The following GDPD4 variants were observed in gnomAD, a reference collection of about 807,000 sequenced individuals.
GDPD4 encodes the protein glycerophosphodiester phosphodiesterase domain containing 4.
In GDPD4, 60 loss-of-function variants were observed where a neutral mutation model predicts 67.8. That is an observed-to-expected ratio of 0.88 (90% CI 0.72 to 1.10). The LOEUF is 1.10. Among genes scored for constraint, GDPD4 ranks in the 50% least tolerant of loss-of-function variants. The probability of loss-of-function intolerance (pLI) is 0.00; values close to 1 mark genes in which losing one functional copy is unlikely to be tolerated. For missense variants in GDPD4, 623 were observed against 613.9 expected (o/e 1.01, Z -0.16); for synonymous variants, 212 against 210.9 (o/e 1.00, Z -0.04).
chr11:77,246,078 A>G (rs1203264657), intron 11 of GDPD4, among the ~76,000 whole-genome samples: 1 of 152,200 alleles, frequency 6.6e-6, no homozygotes, highest in Admixed American at 6.5e-5. Flanking sequence ...TGAGGCCAGG[A>G]GTTCGAGGCC....
At chr11:77,264,427 A>C (rs1959168130) in intron 10 of GDPD4, among the ~76,000 whole-genome samples, 1 of 152,132 alleles carries the variant, frequency 6.6e-6, no homozygotes, top group African/African-American at 2.4e-5. Context: ...ACAAATCTCA[A>C]AAATTCCAAC....
intron 13 of GDPD4, among the ~76,000 whole-genome samples, chr11:77,236,503 A>G (rs545818836): frequency 1.3e-5 from 2 of 152,282 alleles, no homozygotes; most frequent in South Asian, 4.2e-4. Context: ...GATGCACTTT[A>G]AAGATGCCAA....
chr11:77,285,231 T>C (rs952102417), intron 2 of GDPD4, 44 bp from the exon 3 acceptor site: 1 of 983,964 alleles, frequency 1.0e-6, no homozygotes, highest in African/African-American at 1.6e-5. Flanking sequence ...CATTTATCCT[T>C]GTTACCTCAG....
In GDPD4 at chr11:77,279,613, G is replaced by A. The variant is rs181397777; in HGVS notation, c.54-214C>T. 1.8e-3 allele frequency among the ~76,000 whole-genome samples: 270 copies of A among 151,688 alleles called. 1 individual carries two copies. Among genetic ancestry groups the A allele is most frequent in the Middle Eastern group, 3.4e-3 (1 of 292 alleles). On this transcript the variant is annotated intron_variant, in intron 3 of 16. Transcript: ENST00000315938. ...GGGGATGTTCATGGGGTCTGTAAAC[G>A]CAGTAGGATCTTAAGTTACTTAGAA...
intron 5 of GDPD4, among the ~76,000 whole-genome samples, chr11:77,274,672 C>T (rs1354730613): frequency 6.6e-6 from 1 of 152,168 alleles, no homozygotes; most frequent in Non-Finnish European, 1.5e-5. Context: ...TTATAAATTA[C>T]CCAATCTCAG....
chr11:77,300,295 G>A (rs1327774430), intron 1 of GDPD4, among the ~76,000 whole-genome samples: 1 of 152,178 alleles, frequency 6.6e-6, no homozygotes, highest in Non-Finnish European at 1.5e-5. Flanking sequence ...GGGGCCACGT[G>A]TGTCAGGAAT....
intron 10 of GDPD4, among the ~76,000 whole-genome samples, chr11:77,265,738 A>G (rs893677757): frequency 3.3e-5 from 5 of 152,304 alleles, no homozygotes; most frequent in African/African-American, 1.2e-4. Context: ...GTGCAGACAT[A>G]TCACCACCAC....
chr11:77,228,795 T>C (rs1188620864), intron 15 of GDPD4, among the ~76,000 whole-genome samples: 1 of 152,178 alleles, frequency 6.6e-6, no homozygotes, highest in East Asian at 1.9e-4. Context: ...GTCTTCCTGG[T>C]TTATGAACTT....
At chr11:77,284,408 A>G (rs1316532646) in intron 3 of GDPD4, among the ~76,000 whole-genome samples, 1 of 152,236 alleles carries the variant, frequency 6.6e-6, no homozygotes, top group African/African-American at 2.4e-5. Context: ...TATATTTTCT[A>G]ACTTTTTGCA....
chr11:77,278,238 G>A (rs977513280), intron 4 of GDPD4, among the ~76,000 whole-genome samples: 1 of 152,170 alleles, frequency 6.6e-6, no homozygotes, highest in Non-Finnish European at 1.5e-5. Flanking sequence ...TTACAGGCAT[G>A]AGCCACAGTG....
At position 77,217,147 on chromosome 11, in the gene GDPD4, T is replaced by G. The variant is rs1591520118; in HGVS notation, c.*130A>C. The G allele has an allele frequency of 2.6e-6, 2 of 764,422 alleles. No homozygotes were observed. Among genetic ancestry groups the G allele is most frequent in the Non-Finnish European group, 4.8e-6 (2 of 416,064 alleles). 47.4% of individuals were successfully genotyped at this position (764,422 alleles called of 1,614,324 possible). On this transcript the variant is annotated 3_prime_UTR_variant, in exon 17 of 17. Transcript: ENST00000315938. ...TGATAGGTAGTAGTTTCTTGGATGG[T>G]GCTGCAAAATTGAAATGGCCTTGGT... is the stretch of plus-strand genomic sequence containing the variant.
chr11:77,279,212 A>G, intron 4 of GDPD4, 94 bp downstream of exon 4: 1 of 713,346 alleles, frequency 1.4e-6, no homozygotes, highest in Non-Finnish European at 2.4e-6. Context: ...AGGTTCTGAG[A>G]GTCCCCAGTA....
At chr11:77,293,731 G>C (rs981264143) in intron 1 of GDPD4, among the ~76,000 whole-genome samples, 4 of 152,162 alleles carry the variant, frequency 2.6e-5, no homozygotes, top group Non-Finnish European at 4.4e-5. Flanking sequence ...GGAATAGAAT[G>C]GCGAATATTA....
At chr11:77,270,296 G>A (rs1959203615) in intron 7 of GDPD4, among the ~76,000 whole-genome samples, 1 of 152,170 alleles carries the variant, frequency 6.6e-6, no homozygotes, top group Non-Finnish European at 1.5e-5. Flanking sequence ...ACAATGAAGA[G>A]GAAACCAGTG....
At chr11:77,283,271 G>C (rs1364510057) in intron 3 of GDPD4, among the ~76,000 whole-genome samples, 1 of 152,224 alleles carries the variant, frequency 6.6e-6, no homozygotes, top group African/African-American at 2.4e-5. Flanking sequence ...CCAAAAAGTA[G>C]CTAGGGACCA....
At chr11:77,235,117 G>C (rs1196059763) in intron 13 of GDPD4, among the ~76,000 whole-genome samples, 1 of 140,684 alleles carries the variant, frequency 7.1e-6, no homozygotes, top group Non-Finnish European at 1.5e-5. Context: ...CTGATGATTA[G>C]TGATGCTGAG....
chr11:77,273,430 C>T (rs1959308839), intron 5 of GDPD4, among the ~76,000 whole-genome samples: 1 of 152,160 alleles, frequency 6.6e-6, no homozygotes. Context: ...TCACCCTGCA[C>T]TTTTCATTGC....
At chr11:77,267,221 C>T (rs778338401) in intron 10 of GDPD4, among the ~76,000 whole-genome samples, 10 of 152,190 alleles carry the variant, frequency 6.6e-5, no homozygotes, top group Non-Finnish European at 1.2e-4. Context: ...CGAAGAGTAA[C>T]AGGTCATACC....
At chr11:77,279,628 G>A (rs956673754) in intron 3 of GDPD4, among the ~76,000 whole-genome samples, 25 of 151,868 alleles carry the variant, frequency 1.6e-4, no homozygotes, top group African/African-American at 6.0e-4. Context: ...AGGATCTTAA[G>A]TTACTTAGAA....
Sources: allele counts gnomAD v4.1 joint callset (sites outside exome capture counted in the v4.1 genomes callset), GRCh38; gene constraint gnomAD v4.1.1; transcripts MANE v1.5; gene names NCBI Gene and HGNC (gene_info 2026-07-23, HGNC 2026-07-21).